The following PTCD2 variants were observed in gnomAD, a reference collection of about 807,000 sequenced individuals.
PTCD2 encodes pentatricopeptide repeat-containing protein 2, mitochondrial.
PTCD2 carries 31 observed loss-of-function variants against 42.6 expected under a neutral mutation model. The ratio of observed to expected loss-of-function variants is 0.73; its 90% CI spans 0.55 to 0.98. The LOEUF (loss-of-function observed/expected upper bound fraction) is 0.98, where lower values mean the gene tolerates loss of function less well. Among genes scored for constraint, PTCD2 ranks in the 50% least tolerant of loss-of-function variants. The pLI is 0.00. For missense variants in PTCD2, 476 were observed against 454.8 expected (o/e 1.05, Z -0.42); for synonymous variants, 183 against 170.9 (o/e 1.07, Z -0.55).
At chr5:72,338,416 TA>T (rs1751869703) in intron 6 of PTCD2, among the ~76,000 whole-genome samples, 1 of 152,206 alleles carries the variant, frequency 6.6e-6, no homozygotes, top group Non-Finnish European at 1.5e-5. Flanking sequence ...GCTTTAAAAA[TA>T]AAGTTAATTT....
Position 72,364,656 on chromosome 5 carries a change from A to T in PTCD2, c.*6229A>T, listed in dbSNP as rs1257749073. 6.6e-6 allele frequency: 1 copy of T among 152,136 alleles called. No individual in the cohort carries two copies. The highest frequency in any genetic ancestry group is 1.5e-5 in the Non-Finnish European group (1 of 68,022). The allele number at this position is 152,136 out of a possible 1,614,324, so 9.4% of individuals were successfully genotyped here. A position where few individuals can be genotyped will look rare whatever the true frequency, so the allele number is the denominator to read the frequency against. Reference sequence around the variant, plus strand: ...GTTAATATGTACAGTCTGCCACAATATACTTTAGGCATTTCACAGTTTTCT... The same window carrying T: ...GTTAATATGTACAGTCTGCCACAATTTACTTTAGGCATTTCACAGTTTTCT... On this transcript the variant is annotated 3_prime_UTR_variant, in exon 10 of 10. Transcript: ENST00000380639.
chr5:72,358,527 G>A lies in PTCD2; in HGVS notation c.*100G>A. ...ATCGCACTTCAGCAGACAGTGTGCT[G>A]ACACTTGGTCTTCTCCTGAAATTCC... On this transcript the variant is annotated 3_prime_UTR_variant, in exon 10 of 10. Coordinates refer to ENST00000380639, the MANE Select transcript of PTCD2 (RefSeq NM_024754.5). The A allele has an allele frequency of 1.2e-6, 1 of 824,048 alleles. No homozygotes were observed. The highest frequency in any genetic ancestry group is 1.6e-5 in the South Asian group (1 of 62,844). 51.0% of individuals were successfully genotyped at this position (824,048 alleles called of 1,614,324 possible). A position where few individuals can be genotyped will look rare whatever the true frequency, so the allele number is the denominator to read the frequency against.
chr5:72,354,875 G>A (rs1389665065), intron 9 of PTCD2, among the ~76,000 whole-genome samples: 4 of 152,108 alleles, frequency 2.6e-5, no homozygotes, highest in South Asian at 2.1e-4. Context: ...GGGTCTGTTC[G>A]TACAAAGGAC....
chr5:72,354,064 A>C (rs1305146646), intron 9 of PTCD2, among the ~76,000 whole-genome samples: 3 of 152,176 alleles, frequency 2.0e-5, no homozygotes, highest in African/African-American at 7.2e-5. Context: ...GTAAGTAATC[A>C]ATTTTTAATC....
rs757756992 is a variant in PTCD2, at chr5:72,335,089, A to G, written c.540A>G (p.Lys180=). The G allele has an allele frequency of 6.5e-7, 1 of 1,539,798 alleles. No homozygotes were observed. Among genetic ancestry groups the G allele is most frequent in the South Asian group, 1.1e-5 (1 of 88,966 alleles). ...TGGATATGTTATTTATCAAAGGCAA[A>G]TATAAAAGTAAGTACTGCAATTTCT... is the stretch of plus-strand genomic sequence containing the variant. ...ILMDMLFIKG[K]YKSALQVLIE... The change falls in exon 5 of 10, where the codon AAA becomes AAG. Residue 180 remains lysine, a synonymous_variant. Transcript: ENST00000380639.
chr5:72,339,466 T>C (rs1269057568), intron 7 of PTCD2, among the ~76,000 whole-genome samples: 2 of 152,218 alleles, frequency 1.3e-5, no homozygotes, highest in Non-Finnish European at 1.5e-5. Context: ...TATTATTAAT[T>C]AGAAATCAAA....
Position 72,326,677 on chromosome 5 carries a change from A to T in PTCD2, c.286A>T (p.Ile96Leu). 6.2e-7 allele frequency: 1 copy of T among 1,614,180 alleles called. No homozygotes were observed. The highest frequency in any genetic ancestry group is 8.5e-7 in the Non-Finnish European group (1 of 1,179,970). The stretch of plus-strand genomic sequence containing the variant: ...CAAGCTCATCTTGAAGGGGGAGTTG[A>T]TAACCTTACTACATTTGTGTGAGTC... ...QNKLILKGEL[I>L]TLLHLCESRD... The change falls in exon 3 of 10, where the codon ATA becomes TTA. Residue 96 changes from isoleucine to leucine, a missense_variant. Ile to Leu is a conservative substitution (Grantham distance 5). Coordinates refer to ENST00000380639, the MANE Select transcript of PTCD2 (RefSeq NM_024754.5).
intron 8 of PTCD2, among the ~76,000 whole-genome samples, chr5:72,349,511 C>A (rs1399555572): frequency 6.6e-6 from 1 of 151,976 alleles, no homozygotes; most frequent in Non-Finnish European, 1.5e-5. Context: ...ATATAGCAAA[C>A]CTAAAACAAA....
intron 9 of PTCD2, 78 bp downstream of exon 9, chr5:72,352,832 A>G (rs1203324606): frequency 4.0e-6 from 3 of 751,638 alleles, no homozygotes; most frequent in Non-Finnish European, 6.6e-6. Context: ...TCTCAATTCT[A>G]AAGCTTACCT....
At chr5:72,349,003 T>TAA (rs1232398411) in intron 8 of PTCD2, among the ~76,000 whole-genome samples, 1 of 152,236 alleles carries the variant, frequency 6.6e-6, no homozygotes, top group Non-Finnish European at 1.5e-5. Flanking sequence ...ATGTGTGAGT[T>TAA]AAGAATTGCA....
chr5:72,335,141 G>A, intron 5 of PTCD2, 45 bp downstream of exon 5: 1 of 1,101,916 alleles, frequency 9.1e-7, no homozygotes, highest in South Asian at 1.3e-5. Flanking sequence ...TGCCATGTTT[G>A]CTGGCATAGG....
chr5:72,349,912 A>G (rs1037776853), intron 8 of PTCD2, among the ~76,000 whole-genome samples: 1 of 152,248 alleles, frequency 6.6e-6, no homozygotes, highest in Non-Finnish European at 1.5e-5. Flanking sequence ...CTGATTCAGA[A>G]ATAGTTGCTG....
intron 7 of PTCD2, 96 bp downstream of exon 7, chr5:72,338,831 C>A: frequency 1.5e-6 from 1 of 658,686 alleles, no homozygotes. Context: ...CTGACTGCAT[C>A]GTAAAGAAGT....
Position 72,358,287 on chromosome 5 carries a change from G to A in PTCD2, c.1027G>A (p.Gly343Ser). The stretch of plus-strand genomic sequence containing the variant: ...GATCTATGGGACACTGCACATCACT[G>A]GCCAGGTCACCACTGATTCTTTGGA... ...DEIYGTLHITGQVTTDSLDAV... is the reference protein window; with the variant it reads ...DEIYGTLHITSQVTTDSLDAV... The change falls in exon 10 of 10, where the codon GGC (glycine) becomes AGC (serine). Residue 343 changes from glycine (G) to serine (S), a missense_variant. Gly to Ser is a moderately conservative substitution (Grantham distance 56). Coordinates refer to ENST00000380639, the MANE Select transcript of PTCD2 (RefSeq NM_024754.5). 1 of 1,614,026 alleles carries A rather than the reference G, an allele frequency of 6.2e-7. No individual in the cohort carries two copies. Among genetic ancestry groups the A allele is most frequent in the Non-Finnish European group, 8.5e-7 (1 of 1,179,984 alleles).
chr5:72,355,509 T>G (rs569567223), intron 9 of PTCD2, among the ~76,000 whole-genome samples: 1 of 152,230 alleles, frequency 6.6e-6, no homozygotes, highest in Non-Finnish European at 1.5e-5. Context: ...ACCTTGTTTA[T>G]GTATTTCATT....
intron 8 of PTCD2, among the ~76,000 whole-genome samples, chr5:72,347,715 A>G (rs1752429513): frequency 6.6e-6 from 1 of 151,920 alleles, no homozygotes; most frequent in South Asian, 2.1e-4. Flanking sequence ...TCTAGTAATG[A>G]TTTGATTTTT....
At chr5:72,334,622 G>A (rs1057435873) in intron 4 of PTCD2, among the ~76,000 whole-genome samples, 1 of 152,008 alleles carries the variant, frequency 6.6e-6, no homozygotes, top group Admixed American at 6.5e-5. Context: ...CGTGATCTCG[G>A]CTTACTGCAG....
chr5:72,358,121 C>A, intron 9 of PTCD2, 82 bp from the exon 10 acceptor site: 1 of 1,266,328 alleles, frequency 7.9e-7, no homozygotes, highest in Non-Finnish European at 1.1e-6. Context: ...TTGTTCATGT[C>A]CATTTCTTTT....
chr5:72,352,623 T>C lies in PTCD2; in HGVS notation c.829-18T>C, dbSNP rs763110779. On this transcript the variant is annotated intron_variant, in intron 8 of 9. Coordinates refer to ENST00000380639, the MANE Select transcript of PTCD2 (RefSeq NM_024754.5). ...ACTCACTCAGTCTTGGTTTTGCTTGTGTCTTCTTAATATTCAGATTATAAT... is the reference window on the plus strand; with the variant it reads ...ACTCACTCAGTCTTGGTTTTGCTTGCGTCTTCTTAATATTCAGATTATAAT... 1 of 1,292,914 alleles carries C rather than the reference T, an allele frequency of 7.7e-7. No individual in the cohort carries two copies. The allele number at this position is 1,292,914 out of a possible 1,614,324, so 80.1% of individuals were successfully genotyped here. A position where few individuals can be genotyped will look rare whatever the true frequency, so the allele number is the denominator to read the frequency against.
Sources: allele counts gnomAD v4.1 joint callset (sites outside exome capture counted in the v4.1 genomes callset), GRCh38; gene constraint gnomAD v4.1.1; transcripts MANE v1.5; gene names NCBI Gene and HGNC (gene_info 2026-07-23, HGNC 2026-07-21).